The following KLHL32 variants were observed in gnomAD, a reference collection of about 807,000 sequenced individuals.
KLHL32 encodes kelch-like protein 32.
Under a neutral mutation model 64.8 loss-of-function variants are expected in KLHL32, and 35 were observed. The ratio of observed to expected loss-of-function variants is 0.54; its 90% CI spans 0.41 to 0.72. KLHL32 has a LOEUF of 0.72. KLHL32 is among the 30% of genes least tolerant of loss of function. The pLI is 0.00. For synonymous variants in KLHL32, 259 were observed against 281.0 expected, an observed-to-expected ratio of 0.92 and a Z score of 0.78; for missense variants, 589 against 768.5, an observed-to-expected ratio of 0.77 and a Z score of 2.76.
At chr6:97,028,247 A>G (rs527395271) in intron 3 of KLHL32, among the ~76,000 whole-genome samples, 1 of 152,102 alleles carries the variant, frequency 6.6e-6, no homozygotes, top group Non-Finnish European at 1.5e-5. Context: ...CCTTGGCAAT[A>G]CCAATGCTGC....
rs1562270756 is a variant in KLHL32, at chr6:97,040,661, C to A, written c.205-831C>A. ...AACAACTGAAACGGAGTGTGTGATA[C>A]ATGGCTTTGTATCCCCACCCGAATC... On this transcript the variant is annotated intron_variant, in intron 3 of 10. Transcript: ENST00000369261. Among the ~76,000 whole-genome samples, 3 of 152,154 alleles carry A rather than the reference C, an allele frequency of 2.0e-5. No individual in the cohort carries two copies. The South Asian group carries it at 6.2e-4, about 32-fold the overall frequency.
chr6:96,976,039 A>C lies in KLHL32; in HGVS notation c.66A>C (p.Glu22Asp). 1 of 1,595,938 alleles carries C rather than the reference A, an allele frequency of 6.3e-7. No homozygotes were observed. Among genetic ancestry groups the C allele is most frequent in the Non-Finnish European group, 8.6e-7 (1 of 1,166,606 alleles). The change falls in exon 3 of 11, where the codon GAA becomes GAC. Residue 22 changes from glutamate to aspartate, a missense_variant. Transcript: ENST00000369261. ...MLTGQRLCHS[E>D]SHNDSVLAAL... ...CAGGCCAGAGGCTCTGCCACTCCGAATCTCACAATGACAGTGTCCTGGCAG... is the reference window on the plus strand; with the variant it reads ...CAGGCCAGAGGCTCTGCCACTCCGACTCTCACAATGACAGTGTCCTGGCAG...
intron 5 of KLHL32, among the ~76,000 whole-genome samples, chr6:97,074,173 T>A (rs1446642261): frequency 1.3e-5 from 2 of 152,170 alleles, no homozygotes; most frequent in African/African-American, 2.4e-5. Flanking sequence ...CTAAACTTGA[T>A]TATGCAAGGA....
intron 3 of KLHL32, among the ~76,000 whole-genome samples, chr6:96,985,584 T>C (rs556420166): frequency 3.6e-4 from 55 of 152,342 alleles, no homozygotes; most frequent in African/African-American, 1.3e-3. Flanking sequence ...TTTATTCTTT[T>C]TTCTCTAAAC....
At chr6:97,073,938 C>T (rs1024575940) in intron 5 of KLHL32, among the ~76,000 whole-genome samples, 10 of 152,270 alleles carry the variant, frequency 6.6e-5, no homozygotes, top group African/African-American at 1.9e-4. Flanking sequence ...TGCTGCACAT[C>T]AAGGGGCATG....
rs147681233 is a variant in KLHL32 at position 96,931,156 on chromosome 6, C to T, written c.-66+6130C>T. Among the ~76,000 whole-genome samples, 645 of 152,270 alleles carry T rather than the reference C, an allele frequency of 4.2e-3. 4 individuals are homozygous for T. Among genetic ancestry groups the T allele is most frequent in the African/African-American group, 0.015 (612 of 41,564 alleles). ...ACACTCCTCAAATTCTCTTTCAAGT[C>T]AGATAGGATTAAAATCTTCCCGAAC... On this transcript the variant is annotated intron_variant, in intron 1 of 10. Coordinates refer to ENST00000369261, the MANE Select transcript of KLHL32 (RefSeq NM_052904.4).
At chr6:97,000,399 C>G (rs143799849) in intron 3 of KLHL32, among the ~76,000 whole-genome samples, 1 of 152,274 alleles carries the variant, frequency 6.6e-6, no homozygotes, top group East Asian at 1.9e-4. Flanking sequence ...CATTTTTTGA[C>G]AGGAAGTCTT....
chr6:96,920,213 G>T (rs1280756004), upstream of KLHL32, among the ~76,000 whole-genome samples: 1 of 152,210 alleles, frequency 6.6e-6, no homozygotes, highest in Non-Finnish European at 1.5e-5. Flanking sequence ...TTGGAGAGCA[G>T]AGTTGGCATC....
intron 7 of KLHL32, among the ~76,000 whole-genome samples, chr6:97,122,522 A>G (rs1401111498): frequency 6.6e-6 from 1 of 152,154 alleles, no homozygotes; most frequent in Non-Finnish European, 1.5e-5. Context: ...ACTTTTTTTA[A>G]GGGCTAACAA....
At chr6:96,991,269 C>T (rs977498463) in intron 3 of KLHL32, among the ~76,000 whole-genome samples, 1 of 152,038 alleles carries the variant, frequency 6.6e-6, no homozygotes, top group African/African-American at 2.4e-5. Context: ...AGTGGAAATG[C>T]TCAGCTGGGG....
intron 6 of KLHL32, among the ~76,000 whole-genome samples, chr6:97,107,802 G>A (rs1294424856): frequency 6.6e-6 from 1 of 152,220 alleles, no homozygotes; most frequent in African/African-American, 2.4e-5. Context: ...GTGTATGTAT[G>A]TGTGAATAAA....
At chr6:97,022,533 G>A (rs1472785245) in intron 3 of KLHL32, among the ~76,000 whole-genome samples, 3 of 148,268 alleles carry the variant, frequency 2.0e-5, no homozygotes, top group South Asian at 2.1e-4. Flanking sequence ...GCAGTGGTGC[G>A]ATCTCAACTC....
intron 1 of KLHL32, among the ~76,000 whole-genome samples, chr6:96,929,701 A>G (rs1381121155): frequency 6.6e-6 from 1 of 152,166 alleles, no homozygotes; most frequent in Non-Finnish European, 1.5e-5. Flanking sequence ...TATTTCGTAT[A>G]CACATTGCAA....
chr6:97,085,079 A>T, intron 5 of KLHL32, 47 bp from the exon 6 acceptor site: 1 of 1,541,832 alleles, frequency 6.5e-7, no homozygotes, highest in South Asian at 1.1e-5. Context: ...TCTTTCTCGG[A>T]TTTATTTCTA....
rs750242567 is a variant in KLHL32, at chr6:97,055,796, T to TAAAAAAAAAAAAAAAAAA, written c.313-8823_313-8806dup. 4.0e-3 allele frequency among the ~76,000 whole-genome samples: 322 copies of TAAAAAAAAAAAAAAAAAA among 81,020 alleles called. 59 individuals carry two copies. The highest frequency in any genetic ancestry group is 0.012 in the East Asian group (31 of 2,676). 53.2% of individuals were successfully genotyped at this position (81,020 alleles called of 152,430 possible). A position where few individuals can be genotyped will look rare whatever the true frequency, so the allele number is the denominator to read the frequency against. Reference sequence around the variant, plus strand: ...CGAGGTAACAGACTGAGAACCTGTCTAAAAAAAAAAAAAAAAAAAAAAAAA... The same window carrying TAAAAAAAAAAAAAAAAAA: ...CGAGGTAACAGACTGAGAACCTGTCTAAAAAAAAAAAAAAAAAAAAAAAAAAAAAAAAAAAAAAAAAAA... On this transcript the variant is annotated intron_variant, in intron 4 of 10. Coordinates refer to ENST00000369261, the MANE Select transcript of KLHL32 (RefSeq NM_052904.4).
At chr6:96,923,193 G>C (rs1768812227), upstream of KLHL32, among the ~76,000 whole-genome samples, 1 of 152,158 alleles carries the variant, frequency 6.6e-6, no homozygotes, top group Non-Finnish European at 1.5e-5. Context: ...ATTCTAAACA[G>C]ATAATCCAAT....
chr6:97,031,583 T>C (rs1206105), intron 3 of KLHL32, among the ~76,000 whole-genome samples: 26,706 of 152,084 alleles, frequency 0.18, 2,805 homozygotes, highest in African/African-American at 0.3. Context: ...AGTGAACTTC[T>C]AGCCTCAGCC....
chr6:96,930,771 C>T (rs1046660457), intron 1 of KLHL32, among the ~76,000 whole-genome samples: 4 of 152,182 alleles, frequency 2.6e-5, no homozygotes, highest in African/African-American at 7.2e-5. Context: ...TCTTTTCTCT[C>T]TGACAAGCCA....
At chr6:96,991,756 G>A (rs911340810) in intron 3 of KLHL32, among the ~76,000 whole-genome samples, 1 of 152,066 alleles carries the variant, frequency 6.6e-6, no homozygotes, top group East Asian at 1.9e-4. Flanking sequence ...TGTTACCTCC[G>A]GGAGATCCCT....
Sources: gnomAD v4.1 joint callset for allele counts (sites outside exome capture counted in the v4.1 genomes callset) on GRCh38, gnomAD v4.1.1 for gene constraint, MANE v1.5 for transcripts, NCBI Gene and HGNC (gene_info 2026-07-23, HGNC 2026-07-21) for gene names.